Variants in NAALADL2 observed in about 807,000 individuals in gnomAD.
The protein encoded by NAALADL2 is inactive N-acetylated-alpha-linked acidic dipeptidase-like protein 2.
A neutral mutation model predicts 87.2 loss-of-function variants in NAALADL2; 76 were observed. The ratio of observed to expected loss-of-function variants is 0.87; its 90% CI spans 0.72 to 1.05. The LOEUF (loss-of-function observed/expected upper bound fraction) is 1.05. Ranked by LOEUF, NAALADL2 falls within the 50% of genes least tolerant of loss-of-function variation. The pLI, the probability that NAALADL2 is intolerant of heterozygous loss-of-function variation, is 0.00. For missense variants in NAALADL2, 1,089 were observed against 945.8 expected (o/e 1.15, Z -1.99); for synonymous variants, 354 against 331.0 (o/e 1.07, Z -0.75).
intron 1 of NAALADL2, among the ~76,000 whole-genome samples, chr3:175,018,674 T>C (rs1751171160): frequency 6.6e-6 from 1 of 152,072 alleles, no homozygotes; most frequent in African/African-American, 2.4e-5. Context: ...ACAGTTTAAA[T>C]GGCATTCAAC....
intron 10 of NAALADL2, among the ~76,000 whole-genome samples, chr3:175,592,350 A>G (rs919857990): frequency 1.4e-5 from 2 of 140,548 alleles, no homozygotes; most frequent in Admixed American, 7.1e-5. Flanking sequence ...GCTGAGTTCA[A>G]TTATTTTTTC....
intron 2 of NAALADL2, among the ~76,000 whole-genome samples, chr3:174,649,144 A>C (rs778109237): frequency 1.4e-4 from 21 of 151,718 alleles, no homozygotes; most frequent in Admixed American, 2.6e-4. Flanking sequence ...TTGTATTTTT[A>C]GTAGAGATGG....
At chr3:175,709,899 T>C (rs891059852) in intron 11 of NAALADL2, among the ~76,000 whole-genome samples, 1 of 152,080 alleles carries the variant, frequency 6.6e-6, no homozygotes, top group African/African-American at 2.4e-5. Context: ...GTAGTGAGGT[T>C]GGAAGTTTGA....
chr3:175,790,418 T>A (rs763879860), intron 13 of NAALADL2, among the ~76,000 whole-genome samples: 6 of 152,182 alleles, frequency 3.9e-5, no homozygotes, highest in Non-Finnish European at 7.4e-5. Context: ...AACATTCTTT[T>A]ATGTGACACA....
rs547665268 is a variant in NAALADL2, at chr3:175,542,704, A to T, written c.1654-33337A>T. ...TTGATTGCAGAGGCAGAATCCATGG[A>T]CATGTGGAGCCAACTGTAATTATTG... On this transcript the variant is annotated intron_variant, in intron 9 of 13. Coordinates refer to ENST00000454872, the MANE Select transcript of NAALADL2 (RefSeq NM_207015.3). Among the ~76,000 whole-genome samples the T allele has an allele frequency of 2.6e-5, 4 of 152,282 alleles. No individual in the cohort carries two copies. The East Asian group carries it at 7.7e-4, about 29-fold the overall frequency.
At chr3:174,443,543 G>A (rs902943179) in intron 1 of NAALADL2, among the ~76,000 whole-genome samples, 2 of 152,198 alleles carry the variant, frequency 1.3e-5, no homozygotes, top group Admixed American at 6.5e-5. Flanking sequence ...AAATGGAAAT[G>A]TCAAGCATGC....
chr3:175,526,105 T>C (rs1287463012), intron 9 of NAALADL2, among the ~76,000 whole-genome samples: 13 of 152,206 alleles, frequency 8.5e-5, no homozygotes, highest in Admixed American at 7.9e-4. Flanking sequence ...TTTTTAAAAA[T>C]GAGGACAGTC....
upstream of NAALADL2, among the ~76,000 whole-genome samples, chr3:174,855,958 A>ATGTG (rs1202984359): frequency 2.5e-5 from 3 of 120,858 alleles, no homozygotes; most frequent in African/African-American, 1.1e-4. Context: ...ATATGAATAT[A>ATGTG]TGTGTATGTG....
chr3:174,785,801 G>T (rs2109170432), intron 3 of NAALADL2, among the ~76,000 whole-genome samples: 1 of 152,292 alleles, frequency 6.6e-6, no homozygotes, highest in South Asian at 2.1e-4. Flanking sequence ...AAGTGTTTAT[G>T]ATTTTTGAAT....
intron 1 of NAALADL2, among the ~76,000 whole-genome samples, chr3:174,526,538 A>G (rs1720764552): frequency 6.6e-6 from 1 of 152,232 alleles, no homozygotes; most frequent in Non-Finnish European, 1.5e-5. Flanking sequence ...TTTGTGGTAA[A>G]TGGATCATGA....
intron 11 of NAALADL2, among the ~76,000 whole-genome samples, chr3:175,648,679 G>A (rs548704121): frequency 6.6e-6 from 1 of 152,162 alleles, no homozygotes; most frequent in East Asian, 1.9e-4. Context: ...TCCAATCCAT[G>A]TGTACTCCAG....
intron 2 of NAALADL2, among the ~76,000 whole-genome samples, chr3:175,183,433 T>A (rs1043091048): frequency 2.6e-5 from 4 of 152,100 alleles, no homozygotes; most frequent in Non-Finnish European, 5.9e-5. Flanking sequence ...AAAAAAAGCT[T>A]TTAACTTTTT....
chr3:175,046,632 C>T (rs535047608), intron 1 of NAALADL2, among the ~76,000 whole-genome samples: 27 of 152,292 alleles, frequency 1.8e-4, no homozygotes, highest in Non-Finnish European at 1.3e-4. Context: ...AATAAGCATA[C>T]TGGCAAAAAC....
At chr3:175,322,896 T>C (rs1760101619) in intron 4 of NAALADL2, among the ~76,000 whole-genome samples, 3 of 151,214 alleles carry the variant, frequency 2.0e-5, no homozygotes, top group South Asian at 4.2e-4. Context: ...GGTGGGACTG[T>C]AAACTAGTTC....
At chr3:175,769,894 G>A (rs555198627) in intron 13 of NAALADL2, among the ~76,000 whole-genome samples, 12 of 152,240 alleles carry the variant, frequency 7.9e-5, no homozygotes, top group Admixed American at 2.6e-4. Flanking sequence ...CTGTAGGTGG[G>A]CTGTAGCAGG....
intron 1 of NAALADL2, among the ~76,000 whole-genome samples, chr3:174,969,622 A>G (rs1204936105): frequency 6.6e-6 from 1 of 152,196 alleles, no homozygotes; most frequent in Non-Finnish European, 1.5e-5. Context: ...GAATAAATAC[A>G]GCTTTGAGAT....
At chr3:175,646,498 T>A (rs190441934) in intron 11 of NAALADL2, among the ~76,000 whole-genome samples, 1 of 152,166 alleles carries the variant, frequency 6.6e-6, no homozygotes, top group African/African-American at 2.4e-5. Context: ...ATGTAGTCAT[T>A]TTTTTCTTTT....
rs543188786 is a variant in NAALADL2 at position 175,463,421 on chromosome 3, C to A, written c.1255C>A (p.Gln419Lys). The A allele has an allele frequency of 2.5e-6, 4 of 1,590,626 alleles. No homozygotes were observed. The highest frequency in any genetic ancestry group is 4.5e-5 in the East Asian group (2 of 44,156). ...PNNEIRVVSMQVQTVTKLKTV... is the reference protein window; with the variant it reads ...PNNEIRVVSMKVQTVTKLKTV... ...TTCAGAAATAAGAGTCGTCAGCATGCAAGTTCAGACAGTCACAAAATTGAA... is the reference window on the plus strand; with the variant it reads ...TTCAGAAATAAGAGTCGTCAGCATGAAAGTTCAGACAGTCACAAAATTGAA... The change falls in exon 7 of 14, where the codon CAA (glutamine) becomes AAA (lysine). Residue 419 changes from glutamine (Q) to lysine (K), a missense_variant. Gln to Lys is a moderately conservative substitution (Grantham distance 53). Transcript: ENST00000454872.
chr3:174,975,080 A>G (rs1744197614), intron 1 of NAALADL2, among the ~76,000 whole-genome samples: 1 of 152,184 alleles, frequency 6.6e-6, no homozygotes, highest in South Asian at 2.1e-4. Context: ...CACTAGCATC[A>G]GGTTGCCATC....
Sources: gnomAD v4.1 joint callset for allele counts (sites outside exome capture counted in the v4.1 genomes callset) on GRCh38, gnomAD v4.1.1 for gene constraint, MANE v1.5 for transcripts, NCBI Gene and HGNC (gene_info 2026-07-23, HGNC 2026-07-21) for gene names.